The following CCDC13 variants were observed in gnomAD, a reference collection of about 807,000 sequenced individuals.
CCDC13 encodes coiled-coil domain-containing protein 13.
CCDC13 carries 70 observed loss-of-function variants against 87.3 expected under a neutral mutation model. That is an observed-to-expected ratio of 0.80 (90% CI 0.66 to 0.98). The LOEUF (loss-of-function observed/expected upper bound fraction) is 0.98, where lower values mean the gene tolerates loss of function less well. Ranked by LOEUF, CCDC13 falls within the 50% of genes least tolerant of loss-of-function variation. The probability of loss-of-function intolerance (pLI) is 0.00; values close to 1 mark genes in which losing one functional copy is unlikely to be tolerated. For missense variants in CCDC13, 842 were observed against 892.0 expected (o/e 0.94, Z 0.71); for synonymous variants, 317 against 360.3 (o/e 0.88, Z 1.36).
At chr3:42,759,838 T>A (rs188631469) in intron 1 of CCDC13, among the ~76,000 whole-genome samples, 54 of 150,700 alleles carry the variant, frequency 3.6e-4, no homozygotes, top group Admixed American at 1.1e-3. Flanking sequence ...TTCTGGCTTA[T>A]ATGGTAATTT....
At position 42,715,349 on chromosome 3, in the gene CCDC13, G is replaced by A. The variant is rs115047699; in HGVS notation, c.1719-2033C>T. On this transcript the variant is annotated intron_variant, in intron 13 of 15. Transcript: ENST00000310232. ...AATTAAATTTCAGGCCACGCACGAT[G>A]GCTCACGCCTGTGCTTTGGGAGGCA... Among the ~76,000 whole-genome samples, 724 of 151,740 alleles carry A rather than the reference G, an allele frequency of 4.8e-3. 5 individuals are homozygous for A. Among genetic ancestry groups the A allele is most frequent in the African/African-American group, 0.016 (680 of 41,372 alleles).
chr3:42,772,909 C>T lies in CCDC13; in HGVS notation c.-7+267G>A, dbSNP rs549180826. The stretch of plus-strand genomic sequence containing the variant: ...TCTGACTGTGCCATCTACGCTATGA[C>T]TTTGGGGCAGGCGACCCACCCTCTG... On this transcript the variant is annotated intron_variant, in intron 1 of 15. Transcript: ENST00000310232. 2.6e-5 allele frequency among the ~76,000 whole-genome samples: 4 copies of T among 152,326 alleles called. No individual in the cohort carries two copies. In the South Asian group the frequency reaches 6.2e-4, roughly 24 times the overall value.
intron 5 of CCDC13, among the ~76,000 whole-genome samples, chr3:42,749,515 C>A (rs1052598909): frequency 2.0e-5 from 3 of 152,232 alleles, no homozygotes; most frequent in African/African-American, 7.2e-5. Context: ...CTGTCTGGGG[C>A]AGGTCCTGAT....
At position 42,742,983 on chromosome 3, in the gene CCDC13, G is replaced by C. The variant is rs761951159; in HGVS notation, c.900C>G (p.Val300=). 6.2e-7 allele frequency: 1 copy of C among 1,614,174 alleles called. No homozygotes were observed. Among genetic ancestry groups the C allele is most frequent in the Non-Finnish European group, 8.5e-7 (1 of 1,180,026 alleles). The part of the protein sequence containing the change: ...SAGTASDELS[V]YPDPRKLSAQ... ...CCGACAGCTTCCTTGGGTCTGGATA[G>C]ACAGACAACTCATCACTGGCTGTTC... The change falls in exon 8 of 16, where the codon GTC becomes GTG. Residue 300 remains valine, a synonymous_variant. Transcript: ENST00000310232.
Position 42,739,795 on chromosome 3 carries a change from G to A in CCDC13, c.1003C>T (p.Arg335Trp), listed in dbSNP as rs772674988. 1.5e-5 allele frequency: 24 copies of A among 1,613,750 alleles called. No homozygotes were observed. The highest frequency in any genetic ancestry group is 1.8e-5 in the Non-Finnish European group (21 of 1,179,906). Residue 335 changes from arginine (R) to tryptophan (W), a missense_variant, in exon 9 of 16, where the codon CGG becomes TGG. Physicochemically the swap from Arg to Trp is moderately radical, Grantham distance 101. Transcript: ENST00000310232. ...QEGLEKLASE[R>W]DVLQRELEEL... ...TCAAGCTCTCTCTGGAGGACATCCC[G>A]TTCACTGGCAAGTTTCTGTAATTAG...
intron 1 of CCDC13, among the ~76,000 whole-genome samples, chr3:42,768,333 A>C (rs924059782): frequency 3.9e-5 from 6 of 152,246 alleles, no homozygotes; most frequent in Admixed American, 2.6e-4. Context: ...TGATACATGA[A>C]ACAAAAAAAA....
chr3:42,750,328 AG>A (rs1339223403), intron 5 of CCDC13, among the ~76,000 whole-genome samples: 1 of 152,110 alleles, frequency 6.6e-6, no homozygotes, highest in Non-Finnish European at 1.5e-5. Context: ...ACCTTAATGG[AG>A]GGTGGACTCC....
chr3:42,744,295 C>G (rs1575312676), intron 7 of CCDC13, among the ~76,000 whole-genome samples: 1 of 152,234 alleles, frequency 6.6e-6, no homozygotes, highest in South Asian at 2.1e-4. Flanking sequence ...AGGGTAGAAG[C>G]AGACAACTCC....
chr3:42,742,624 AC>A (rs1699255757), intron 8 of CCDC13, among the ~76,000 whole-genome samples: 1 of 151,990 alleles, frequency 6.6e-6, no homozygotes, highest in Admixed American at 6.6e-5. Context: ...TCTCCCTTTT[AC>A]AATGAGAATT....
chr3:42,725,525 C>T (rs1338735203), intron 13 of CCDC13, among the ~76,000 whole-genome samples: 3 of 48,958 alleles, frequency 6.1e-5, no homozygotes, highest in Non-Finnish European at 1.4e-4. Flanking sequence ...CAGAGTGAGA[C>T]CCTGTCTCAA....
At chr3:42,717,715 C>A (rs931127965) in intron 13 of CCDC13, among the ~76,000 whole-genome samples, 1 of 152,170 alleles carries the variant, frequency 6.6e-6, no homozygotes, top group African/African-American at 2.4e-5. Flanking sequence ...CCAAGGTTGG[C>A]CTAGCTAATT....
intron 7 of CCDC13, chr3:42,744,804 C>CAAAAAA (rs56234512): frequency 1.3e-4 from 6 of 47,516 alleles, no homozygotes; most frequent in African/African-American, 2.5e-4. Flanking sequence ...GACTCCGTCT[C>CAAAAAA]AAAAAAAAAA....
chr3:42,713,464 G>T, intron 13 of CCDC13, 148 bp from the exon 14 acceptor site: 2 of 745,682 alleles, frequency 2.7e-6, no homozygotes, highest in Non-Finnish European at 4.3e-6. Context: ...ACAGGAACAT[G>T]CATTTAAACA....
Position 42,746,012 on chromosome 3 carries a change from C to T in CCDC13, c.736G>A (p.Val246Ile), listed in dbSNP as rs936126286. ...TGCTGAACGTTGATGTCTTCCCCAA[C>T]CTCTCTGGCCAAAACCTGAAATAAG... ...RMAQKVLARE[V>I]GEDINVQQLL... The change falls in exon 7 of 16, where the codon GTT (valine) becomes ATT (isoleucine). Residue 246 changes from valine to isoleucine, a missense_variant. Transcript: ENST00000310232. 2 of 1,614,146 alleles carry T rather than the reference C, an allele frequency of 1.2e-6. No individual in the cohort carries two copies. The highest frequency in any genetic ancestry group is 1.7e-6 in the Non-Finnish European group (2 of 1,179,988).
chr3:42,727,809 T>C (rs1489529275), intron 13 of CCDC13, among the ~76,000 whole-genome samples: 1 of 152,086 alleles, frequency 6.6e-6, no homozygotes, highest in Non-Finnish European at 1.5e-5. Context: ...AGAGATAGAA[T>C]ATCTAACTTC....
intron 1 of CCDC13, among the ~76,000 whole-genome samples, chr3:42,767,304 A>C (rs1344743972): frequency 2.6e-5 from 4 of 152,246 alleles, no homozygotes. Flanking sequence ...CAAGTTAAAA[A>C]TGCAATGCCA....
intron 2 of CCDC13, 95 bp downstream of exon 2, chr3:42,758,030 G>A: frequency 9.5e-7 from 1 of 1,050,448 alleles, no homozygotes; most frequent in Non-Finnish European, 1.4e-6. Context: ...CACTTTAGCT[G>A]CATTTTACAA....
rs528290651 is a variant in CCDC13 at position 42,733,474 on chromosome 3, A to C, written c.1507T>G (p.Ser503Ala). The part of the protein sequence containing the change: ...AGDHVGRLGS[S>A]RSVTSLGHTL... ...TCCCTCCCATTGTTTTCTTACCGAG[A>C]AGATCCAAGCCTGCCAACATGATCG... Residue 503 changes from serine to alanine, a missense_variant, in exon 11 of 16, where the codon TCT (serine) becomes GCT (alanine). Transcript: ENST00000310232. 1 of 1,614,018 alleles carries C rather than the reference A, an allele frequency of 6.2e-7. No homozygotes were observed. Among genetic ancestry groups the C allele is most frequent in the East Asian group, 2.2e-5 (1 of 44,864 alleles).
At chr3:42,743,600 T>TATATATATATATATATATATATATAC in intron 7 of CCDC13, among the ~76,000 whole-genome samples, 9 of 125,794 alleles carry the variant, frequency 7.2e-5, no homozygotes, top group South Asian at 4.9e-4. Flanking sequence ...TATATATATA[T>TATATATATATATATATATATATATAC]ACACACACAC....
Sources: gnomAD v4.1 joint callset for allele counts (sites outside exome capture counted in the v4.1 genomes callset) on GRCh38, gnomAD v4.1.1 for gene constraint, MANE v1.5 for transcripts, NCBI Gene and HGNC (gene_info 2026-07-23, HGNC 2026-07-21) for gene names.